COL20A1: variants seen among roughly 807,000 people sequenced by gnomAD.
COL20A1 encodes the protein collagen alpha-1(XX) chain.
In COL20A1, 164 loss-of-function variants were observed where a neutral mutation model predicts 152.9. That is an observed-to-expected ratio of 1.07 (90% CI 0.94 to 1.22). The LOEUF is 1.22. COL20A1 is among the 50% of genes most tolerant of loss of function. The pLI is 0.00. For synonymous variants in COL20A1, 864 were observed against 756.0 expected (o/e 1.14, Z -2.34); for missense variants, 1,873 against 1,744.8 (o/e 1.07, Z -1.31).
In COL20A1 at chr20:63,297,892, T is replaced by C; in HGVS notation, c.83-18T>C. On this transcript the variant is annotated intron_variant, in intron 2 of 35. Coordinates refer to ENST00000358894, the MANE Select transcript of COL20A1 (RefSeq NM_020882.4). ...GGGAGGCCAGGTCAGTCCTGACCAC[T>C]ATGTCCTGTTTCTGTAGCAAGCGGT... The C allele has an allele frequency of 1.2e-6, 2 of 1,606,434 alleles. No homozygotes were observed. Among genetic ancestry groups the C allele is most frequent in the Non-Finnish European group, 8.5e-7 (1 of 1,174,004 alleles).
At position 63,333,285 on chromosome 20, in the gene COL20A1, C is replaced by T. The variant is rs1036327469; in HGVS notation, c.*2569C>T. 6.6e-6 allele frequency: 1 copy of T among 152,392 alleles called. No individual in the cohort carries two copies. Among genetic ancestry groups the T allele is most frequent in the African/African-American group, 2.4e-5 (1 of 41,444 alleles). The allele number at this position is 152,392 out of a possible 1,614,324, so 9.4% of individuals were successfully genotyped here. On this transcript the variant is annotated 3_prime_UTR_variant, in exon 36 of 36. Transcript: ENST00000358894. ...CTTAGGTGCTGCCCCCAGTCACCCC[C>T]GTGCCCATGCAGCCGGGGATGTTCA...
At chr20:63,324,411 C>T (rs1336371220) in intron 27 of COL20A1, 2 of 152,234 alleles carry the variant, frequency 1.3e-5, no homozygotes, top group African/African-American at 4.8e-5. Context: ...AACAGAAGTG[C>T]TTCTAGCATT....
rs1056871253 is a variant in COL20A1, at chr20:63,293,262, A to C, written c.-24A>C. On this transcript the variant is annotated 5_prime_UTR_variant, in exon 1 of 36. Coordinates refer to ENST00000358894, the MANE Select transcript of COL20A1 (RefSeq NM_020882.4). ...CCCCAGGAGAGAGGACTGGGGTCCC[A>C]GGAGTAGGAGGAGGTGGGTGACTTC... 8 of 152,312 alleles carry C rather than the reference A, an allele frequency of 5.3e-5. No individual in the cohort carries two copies. Among genetic ancestry groups the C allele is most frequent in the African/African-American group, 1.4e-4 (6 of 41,410 alleles). 9.4% of individuals were successfully genotyped at this position (152,312 alleles called of 1,614,324 possible). A position where few individuals can be genotyped will look rare whatever the true frequency, so the allele number is the denominator to read the frequency against.
rs1351248102 is a variant in COL20A1 at position 63,295,079 on chromosome 20, G to A, written c.-10-19G>A. On this transcript the variant is annotated intron_variant, in intron 1 of 35. Transcript: ENST00000358894. ...AGACGGGGGGACGGCTGAAGGGCAT[G>A]GCCTCTTCCCTGCCACAGCCCGAGC... 1 of 1,503,370 alleles carries A rather than the reference G, an allele frequency of 6.7e-7. No individual in the cohort carries two copies. The highest frequency in any genetic ancestry group is 2.0e-5 in the Admixed American group (1 of 49,140). 93.1% of individuals were successfully genotyped at this position (1,503,370 alleles called of 1,614,324 possible). A position where few individuals can be genotyped will look rare whatever the true frequency, so the allele number is the denominator to read the frequency against.
Position 63,319,415 on chromosome 20 carries a change from G to T in COL20A1, c.2807-72G>T, listed in dbSNP as rs765847513. 1.6e-6 allele frequency: 2 copies of T among 1,256,824 alleles called. No individual in the cohort carries two copies. Among genetic ancestry groups the T allele is most frequent in the Non-Finnish European group, 2.2e-6 (2 of 892,634 alleles). The allele number at this position is 1,256,824 out of a possible 1,614,324, so 77.9% of individuals were successfully genotyped here. A position where few individuals can be genotyped will look rare whatever the true frequency, so the allele number is the denominator to read the frequency against. On this transcript the variant is annotated intron_variant, in intron 22 of 35. Coordinates refer to ENST00000358894, the MANE Select transcript of COL20A1 (RefSeq NM_020882.4). This position sits in a 1 kb window ranked among gnomAD's most constrained non-coding sequence, Gnocchi z 4.4. ...AGGGCTGCTCCTGTCCTGTCGTGGG[G>T]GCCGCCCTGCTCAAGGTATAGGCCC...
rs374363300 is a variant in COL20A1, at chr20:63,325,676, C to T, written c.3357C>T (p.Pro1119=). 98 of 1,610,082 alleles carry T rather than the reference C, an allele frequency of 6.1e-5. 2 individuals are homozygous for T. The African/African-American group carries it at 1.1e-3, about 18-fold the overall frequency. ...DHGLPGLQGH[P]GHQGIPGRVG... ...CCTCTGTTCTCTCCCAGGGCCACCCCGGCCACCAGGGCATCCCCGGGAGAG... is the reference window on the plus strand; with the variant it reads ...CCTCTGTTCTCTCCCAGGGCCACCCTGGCCACCAGGGCATCCCCGGGAGAG... The change falls in exon 29 of 36, where the codon CCC becomes CCT. Residue 1119 remains proline, a synonymous_variant. Coordinates refer to ENST00000358894, the MANE Select transcript of COL20A1 (RefSeq NM_020882.4).
chr20:63,310,173 C>T (rs990780864), intron 10 of COL20A1, among the ~76,000 whole-genome samples: 2 of 152,126 alleles, frequency 1.3e-5, no homozygotes, highest in Non-Finnish European at 2.9e-5. Context: ...AGACTCAGAG[C>T]GCCTTCTCCC....
In COL20A1 at chr20:63,311,296, G is replaced by A; in HGVS notation, c.1394-98G>A. On this transcript the variant is annotated intron_variant, in intron 11 of 35. Coordinates refer to ENST00000358894, the MANE Select transcript of COL20A1 (RefSeq NM_020882.4). This position sits in a 1 kb window ranked among gnomAD's most constrained non-coding sequence, Gnocchi z 4.4. ...TTTGAATCCTGTGCACCTGCCAGGC[G>A]GTGGCCGTGCCCACCCACTCTGGTG... 5.4e-6 allele frequency: 7 copies of A among 1,299,300 alleles called. No homozygotes were observed. Among genetic ancestry groups the A allele is most frequent in the Non-Finnish European group, 6.2e-6 (6 of 967,330 alleles). The allele number at this position is 1,299,300 out of a possible 1,614,324, so 80.5% of individuals were successfully genotyped here. A position where few individuals can be genotyped will look rare whatever the true frequency, so the allele number is the denominator to read the frequency against.
rs1312947118 is a variant in COL20A1, at chr20:63,304,554, C to T, written c.194-863C>T. Among the ~76,000 whole-genome samples, 57 of 86,082 alleles carry T rather than the reference C, an allele frequency of 6.6e-4. 4 individuals carry two copies. The highest frequency in any genetic ancestry group is 5.9e-4 in the Non-Finnish European group (24 of 40,766). The allele number at this position is 86,082 out of a possible 152,430, so 56.5% of individuals were successfully genotyped here. The stretch of plus-strand genomic sequence containing the variant: ...CTTCCTCCCTCCAGGTGTGCAGGTG[C>T]TGGCTCCTCCCTCCCTTCCTCCCTC... On this transcript the variant is annotated intron_variant, in intron 3 of 35. Coordinates refer to ENST00000358894, the MANE Select transcript of COL20A1 (RefSeq NM_020882.4).
chr20:63,312,649 G>A (rs1345618085), intron 15 of COL20A1, 100 bp downstream of exon 15: 3 of 1,468,524 alleles, frequency 2.0e-6, no homozygotes, highest in Non-Finnish European at 2.7e-6. Context: ...CCTGCCCTGG[G>A]TCAGTGCTGA....
Position 63,319,603 on chromosome 20 carries a change from G to A in COL20A1, c.2916+7G>A. On this transcript the variant is annotated splice_region_variant and intron_variant, in intron 23 of 35. Coordinates refer to ENST00000358894, the MANE Select transcript of COL20A1 (RefSeq NM_020882.4). The surrounding 1 kb of genome is among the most constrained non-coding windows in gnomAD (Gnocchi z 4.4). ...CTTCGGGAGCTTCCACAAGGTCCTG[G>A]TGCAGCTCGCGCCCCTCTCCCCCGT... 1.3e-6 allele frequency: 2 copies of A among 1,556,656 alleles called. No individual in the cohort carries two copies. The highest frequency in any genetic ancestry group is 2.4e-5 in the South Asian group (2 of 84,664).
chr20:63,328,702 C>T (rs918808995), intron 34 of COL20A1, among the ~76,000 whole-genome samples: 8 of 152,222 alleles, frequency 5.3e-5, no homozygotes, highest in Admixed American at 4.6e-4. Flanking sequence ...AGGTCAGCCT[C>T]GGCCTGGCCT....
At chr20:63,327,717 A>T in intron 31 of COL20A1, 1 of 580,536 alleles carries the variant, frequency 1.7e-6, no homozygotes, top group Non-Finnish European at 3.1e-6. Context: ...TTGTGGCACA[A>T]GTTCCAGCCC....
intron 2 of COL20A1, among the ~76,000 whole-genome samples, chr20:63,296,776 A>G (rs1232340789): frequency 6.6e-6 from 1 of 151,270 alleles, no homozygotes; most frequent in Non-Finnish European, 1.5e-5. Flanking sequence ...TTTCAGCCCC[A>G]TCCGGAGACC....
Position 63,310,383 on chromosome 20 carries a change from G to T in COL20A1, c.1266G>T (p.Val422=). The change falls in exon 11 of 36, where the codon GTG becomes GTT. Residue 422 remains valine, a splice_region_variant and synonymous_variant. Transcript: ENST00000358894. ...RASRGGTPRE[V]VVEGPAASTE... is the part of the protein sequence containing the mutation. ...CGTCCTTGCCCACTCTGTTCCAGGT[G>T]GTGGTGGAGGGACCCGCCGCCTCCA... The T allele has an allele frequency of 6.2e-7, 1 of 1,611,058 alleles. No homozygotes were observed. Among genetic ancestry groups the T allele is most frequent in the Non-Finnish European group, 8.5e-7 (1 of 1,179,274 alleles).
Position 63,313,313 on chromosome 20 carries a change from C to G in COL20A1, c.2209+64C>G. 1.3e-6 allele frequency: 2 copies of G among 1,530,370 alleles called. No individual in the cohort carries two copies. Among genetic ancestry groups the G allele is most frequent in the Non-Finnish European group, 1.8e-6 (2 of 1,126,190 alleles). The allele number at this position is 1,530,370 out of a possible 1,614,324, so 94.8% of individuals were successfully genotyped here. A position where few individuals can be genotyped will look rare whatever the true frequency, so the allele number is the denominator to read the frequency against. ...CAGGGATGGCCCAGGGGATCCCTGA[C>G]TCACCCGCTGCACAGGCCCAGGACC... On this transcript the variant is annotated intron_variant, in intron 17 of 35. Transcript: ENST00000358894. This position sits in a 1 kb window ranked among gnomAD's most constrained non-coding sequence, Gnocchi z 5.9.
At position 63,320,213 on chromosome 20, in the gene COL20A1, C is replaced by T. The variant is rs937686299; in HGVS notation, c.3075+16C>T. 1.9e-6 allele frequency: 3 copies of T among 1,597,880 alleles called. No individual in the cohort carries two copies. On this transcript the variant is annotated intron_variant, in intron 24 of 35. Coordinates refer to ENST00000358894, the MANE Select transcript of COL20A1 (RefSeq NM_020882.4). Reference sequence around the variant, plus strand: ...TTCGGCCGCGGTGAGTTGGGCCCTGCCCACCTGCTGGGCCACGCTGGTGGG... The same window carrying T: ...TTCGGCCGCGGTGAGTTGGGCCCTGTCCACCTGCTGGGCCACGCTGGTGGG...
rs1387080186 is a variant in COL20A1 at position 63,311,947 on chromosome 20, C to T, written c.1695C>T (p.Phe565=). ...PTLAPPRHLG[F]SDVSHDAARV... ...TGGCCCCCCCGAGACACCTGGGCTT[C>T]TCAGACGTGAGCCACGACGCGGCAC... is the stretch of plus-strand genomic sequence containing the variant. The change falls in exon 14 of 36, where the codon TTC becomes TTT. Residue 565 remains phenylalanine, a synonymous_variant. Transcript: ENST00000358894. The surrounding 1 kb of genome is among the most constrained non-coding windows in gnomAD (Gnocchi z 4.4). The T allele has an allele frequency of 5.7e-6, 9 of 1,586,046 alleles. No homozygotes were observed. The highest frequency in any genetic ancestry group is 6.8e-6 in the Non-Finnish European group (8 of 1,168,720).
chr20:63,327,686 C>T, intron 31 of COL20A1: 1 of 547,090 alleles, frequency 1.8e-6, no homozygotes, highest in South Asian at 2.1e-5. Flanking sequence ...AGCACAAAAT[C>T]TACAGCCAGA....
Sources: gnomAD v4.1 joint callset for allele counts (sites outside exome capture counted in the v4.1 genomes callset) on GRCh38, gnomAD v4.1.1 for gene constraint, Gnocchi (gnomAD v3.1) non-coding constraint, MANE v1.5 for transcripts, NCBI Gene and HGNC (gene_info 2026-07-23, HGNC 2026-07-21) for gene names.